The following EXT1 variants were observed in gnomAD, a reference collection of about 807,000 sequenced individuals.
EXT1 encodes exostosin-1.
EXT1 carries 20 observed loss-of-function variants against 82.5 expected under a neutral mutation model. The ratio of observed to expected loss-of-function variants is 0.24; its 90% CI spans 0.17 to 0.35. The LOEUF (loss-of-function observed/expected upper bound fraction) is 0.35. Among genes scored for constraint, EXT1 ranks in the 10% least tolerant of loss-of-function variants. The pLI is 1.00. For synonymous variants in EXT1, 348 were observed against 350.8 expected (o/e 0.99, Z 0.09); for missense variants, 757 against 936.5 (o/e 0.81, Z 2.50).
intron 1 of EXT1, among the ~76,000 whole-genome samples, chr8:118,007,648 G>A (rs1156785083): frequency 6.6e-6 from 1 of 152,214 alleles, no homozygotes; most frequent in East Asian, 1.9e-4. Flanking sequence ...AGACGAAGAA[G>A]ATAGGTCTAA....
intron 1 of EXT1, among the ~76,000 whole-genome samples, chr8:117,853,360 C>T (rs1812487723): frequency 6.6e-6 from 1 of 152,180 alleles, no homozygotes; most frequent in Non-Finnish European, 1.5e-5. Flanking sequence ...GCCTGGCCAA[C>T]ATGGTGAAAC....
chr8:118,087,750 G>A (rs1817449543), intron 1 of EXT1, among the ~76,000 whole-genome samples: 1 of 151,988 alleles, frequency 6.6e-6, no homozygotes. Context: ...TCTTATTGTT[G>A]TTACATATTA....
At chr8:117,834,692 A>T (rs1439846178) in intron 3 of EXT1, among the ~76,000 whole-genome samples, 1 of 152,070 alleles carries the variant, frequency 6.6e-6, no homozygotes, top group Non-Finnish European at 1.5e-5. Context: ...CAAAGACATT[A>T]AAAAAAATTC....
At chr8:117,889,530 T>TGGATCA (rs1174902553) in intron 1 of EXT1, among the ~76,000 whole-genome samples, 1 of 152,210 alleles carries the variant, frequency 6.6e-6, no homozygotes, top group Non-Finnish European at 1.5e-5. Flanking sequence ...GTACAGAGCC[T>TGGATCA]GGATCAGGGG....
intron 1 of EXT1, among the ~76,000 whole-genome samples, chr8:118,040,136 T>A (rs1003848591): frequency 6.6e-6 from 1 of 152,174 alleles, no homozygotes; most frequent in Non-Finnish European, 1.5e-5. Flanking sequence ...TTGGTGTATT[T>A]TTTTTTTAAC....
In EXT1 at chr8:118,110,428, C is replaced by T. The variant is rs1228859857; in HGVS notation, c.619G>A (p.Val207Met). 4 of 1,614,012 alleles carry T rather than the reference C, an allele frequency of 2.5e-6. No individual in the cohort carries two copies. Among genetic ancestry groups the T allele is most frequent in the African/African-American group, 2.7e-5 (2 of 74,924 alleles). ...SGTWPDYTEDVGFDIGQAMLA... is the reference protein window; with the variant it reads ...SGTWPDYTEDMGFDIGQAMLA... ...ATCGCCTGGCCGATGTCAAACCCCA[C>T]GTCCTCGGTGTAGTCAGGCCAAGTG... Residue 207 changes from valine (V) to methionine (M), a missense_variant, in exon 1 of 11, where the codon GTG becomes ATG. Around this residue, in one of 4 missense-constraint regions of EXT1, gnomAD observed 247 missense variants for 330.1 expected, o/e 0.75. Coordinates refer to ENST00000378204, the MANE Select transcript of EXT1 (RefSeq NM_000127.3).
At chr8:117,958,564 T>C (rs1814634198) in intron 1 of EXT1, among the ~76,000 whole-genome samples, 1 of 152,152 alleles carries the variant, frequency 6.6e-6, no homozygotes, top group Non-Finnish European at 1.5e-5. Flanking sequence ...AAACTAAAAA[T>C]AATCTTTCTA....
intron 1 of EXT1, among the ~76,000 whole-genome samples, chr8:117,924,607 T>C (rs1343411579): frequency 6.6e-6 from 1 of 152,142 alleles, no homozygotes; most frequent in Non-Finnish European, 1.5e-5. Context: ...AAAATAATTA[T>C]CACTACAGGC....
chr8:117,808,526 G>T (rs1170357423), intron 8 of EXT1, among the ~76,000 whole-genome samples: 1 of 152,202 alleles, frequency 6.6e-6, no homozygotes, highest in African/African-American at 2.4e-5. Context: ...AGTGTTAAAA[G>T]CAATTTGTCT....
intron 1 of EXT1, among the ~76,000 whole-genome samples, chr8:118,094,566 C>CCT: frequency 6.6e-6 from 1 of 152,324 alleles, no homozygotes; most frequent in South Asian, 2.1e-4. Context: ...TGAGTGTTTA[C>CCT]TATGTTCCAT....
chr8:118,110,526 A>G lies in EXT1; in HGVS notation c.521T>C (p.Leu174Ser). 1 of 1,614,154 alleles carries G rather than the reference A, an allele frequency of 6.2e-7. No homozygotes were observed. Among genetic ancestry groups the G allele is most frequent in the Non-Finnish European group, 8.5e-7 (1 of 1,180,042 alleles). The part of the protein sequence containing the change: ...DQLSPQYVHN[L>S]RSKVQSLHLW... ...GTGGAGACTCTGCACTTTGGATCTC[A>G]AATTGTGCACATACTGAGGTGACAA... The change falls in exon 1 of 11, where the codon TTG (leucine) becomes TCG (serine). Residue 174 changes from leucine to serine, a missense_variant. By Grantham distance (145) the Leu-to-Ser change is moderately radical. Transcript: ENST00000378204.
intron 1 of EXT1, among the ~76,000 whole-genome samples, chr8:117,935,331 T>C (rs1246350473): frequency 6.6e-6 from 1 of 151,340 alleles, no homozygotes; most frequent in East Asian, 1.9e-4. Context: ...CTTTTTTTTT[T>C]TTTTTTTTTG....
chr8:117,938,014 G>A (rs73704835), intron 1 of EXT1, among the ~76,000 whole-genome samples: 7,500 of 152,216 alleles, frequency 0.049, 644 homozygotes, highest in African/African-American at 0.17. Context: ...TGCAGTACCA[G>A]ACACCTCAAT....
intron 1 of EXT1, among the ~76,000 whole-genome samples, chr8:117,984,252 T>C (rs11779609): frequency 0.75 from 113,747 of 151,738 alleles, 43,966 homozygotes; most frequent in African/African-American, 0.93. Flanking sequence ...AACCCTGTCT[T>C]TACTAAAAAT....
At chr8:117,969,879 C>T (rs753723931) in intron 1 of EXT1, among the ~76,000 whole-genome samples, 13 of 152,264 alleles carry the variant, frequency 8.5e-5, no homozygotes, top group Non-Finnish European at 1.9e-4. Context: ...TTATATTGAA[C>T]GTAGGGTCAC....
intron 1 of EXT1, among the ~76,000 whole-genome samples, chr8:117,895,163 T>A (rs1016499652): frequency 6.6e-6 from 1 of 152,138 alleles, no homozygotes; most frequent in Admixed American, 6.5e-5. Context: ...AGTGAGTGAT[T>A]TGATAACATC....
At chr8:117,839,936 G>A (rs991667234) in intron 1 of EXT1, among the ~76,000 whole-genome samples, 3 of 152,188 alleles carry the variant, frequency 2.0e-5, no homozygotes. Flanking sequence ...CTGATGAGAT[G>A]AGAATTTAAG....
intron 1 of EXT1, among the ~76,000 whole-genome samples, chr8:118,025,984 G>A (rs529297530): frequency 2.2e-4 from 34 of 152,256 alleles, no homozygotes; most frequent in African/African-American, 8.2e-4. Flanking sequence ...TGCAGACAAA[G>A]GCTCACGCAG....
chr8:117,936,476 A>C (rs561561696), intron 1 of EXT1, among the ~76,000 whole-genome samples: 36 of 152,374 alleles, frequency 2.4e-4, no homozygotes, highest in Non-Finnish European at 4.7e-4. Context: ...TAGAACCCTG[A>C]TATCACCAAA....
Sources: gnomAD v4.1 joint callset for allele counts (sites outside exome capture counted in the v4.1 genomes callset) on GRCh38, gnomAD v4.1.1 for gene constraint, gnomAD v4.1.1 regional missense constraint, MANE v1.5 for transcripts, NCBI Gene and HGNC (gene_info 2026-07-23, HGNC 2026-07-21) for gene names.